The following TGFBR3 variants were observed in gnomAD, a reference collection of about 807,000 sequenced individuals.
The protein encoded by TGFBR3 is transforming growth factor beta receptor type 3.
A neutral mutation model predicts 87.9 loss-of-function variants in TGFBR3; 46 were observed. The ratio of observed to expected loss-of-function variants is 0.52; its 90% confidence interval spans 0.41 to 0.67. TGFBR3 has a LOEUF of 0.67. TGFBR3 is among the 30% of genes least tolerant of loss of function. The probability of loss-of-function intolerance (pLI) is 0.00; values close to 1 mark genes in which losing one functional copy is unlikely to be tolerated. For synonymous variants in TGFBR3, 381 were observed against 391.6 expected, an observed-to-expected ratio of 0.97 and a Z score of 0.32; for missense variants, 866 against 1,041.9, an observed-to-expected ratio of 0.83 and a Z score of 2.32.
At chr1:91,872,453 G>A (rs1337265342) in intron 1 of TGFBR3, among the ~76,000 whole-genome samples, 3 of 152,166 alleles carry the variant, frequency 2.0e-5, no homozygotes, top group Admixed American at 1.3e-4. Context: ...TAATTTTAAA[G>A]AATCCGTTCT....
At chr1:91,849,311 A>T (rs969527990) in intron 2 of TGFBR3, among the ~76,000 whole-genome samples, 1 of 152,092 alleles carries the variant, frequency 6.6e-6, no homozygotes, top group African/African-American at 2.4e-5. Flanking sequence ...CTTGGGCTAT[A>T]CACACCCGCA....
chr1:91,850,259 T>C (rs1271720669), intron 2 of TGFBR3, among the ~76,000 whole-genome samples: 1 of 152,116 alleles, frequency 6.6e-6, no homozygotes, highest in Non-Finnish European at 1.5e-5. Flanking sequence ...TAGTAGTTAT[T>C]TAAAAGTATA....
intron 14 of TGFBR3, among the ~76,000 whole-genome samples, chr1:91,707,922 A>C (rs897542797): frequency 2.6e-5 from 4 of 152,154 alleles, no homozygotes; most frequent in South Asian, 2.1e-4. Context: ...ACAGGGCCTC[A>C]TATCCACTCC....
intron 4 of TGFBR3, among the ~76,000 whole-genome samples, chr1:91,739,960 C>T (rs993933993): frequency 4.6e-5 from 7 of 152,100 alleles, no homozygotes; most frequent in African/African-American, 1.4e-4. Context: ...CTCACTATGA[C>T]GAGAACAGCA....
intron 14 of TGFBR3, 99 bp from the exon 15 acceptor site, chr1:91,698,229 G>T (rs2296621): frequency 0.16 from 161,289 of 1,001,802 alleles, 13,932 homozygotes; most frequent in Non-Finnish European, 0.18. Flanking sequence ...TTTCCATTTG[G>T]TAATAAATAC....
Position 91,680,772 on chromosome 1 carries a change from T to C in TGFBR3, c.*2967A>G, listed in dbSNP as rs1401004363. On this transcript the variant is annotated 3_prime_UTR_variant, in exon 17 of 17. Coordinates refer to ENST00000212355, the MANE Select transcript of TGFBR3 (RefSeq NM_003243.5). ...TACAGTACAAAAAGACTGGCACGCG[T>C]GTGAGCACCCCACACACACTCACAA... The C allele has an allele frequency of 2.2e-6, 1 of 453,900 alleles. No individual in the cohort carries two copies. The highest frequency in any genetic ancestry group is 2.0e-5 in the African/African-American group (1 of 49,948). The allele number at this position is 453,900 out of a possible 1,614,324, so 28.1% of individuals were successfully genotyped here. A position where few individuals can be genotyped will look rare whatever the true frequency, so the allele number is the denominator to read the frequency against.
chr1:91,858,629 A>C lies in TGFBR3; in HGVS notation c.61+2842T>G, dbSNP rs1166024915. On this transcript the variant is annotated intron_variant, in intron 2 of 16. Coordinates refer to ENST00000212355, the MANE Select transcript of TGFBR3 (RefSeq NM_003243.5). ...CTGTCTCAAAAAAAAAAAAAAAAAA[A>C]AAAACAAAATTTCCCTCTTCTTCAT... is the stretch of plus-strand genomic sequence containing the variant. Among the ~76,000 whole-genome samples, 9 of 150,948 alleles carry C rather than the reference A, an allele frequency of 6.0e-5. 1 individual carries two copies. The highest frequency in any genetic ancestry group is 2.1e-4 in the South Asian group (1 of 4,800).
At chr1:91,879,131 T>C (rs1381622289) in intron 1 of TGFBR3, among the ~76,000 whole-genome samples, 1 of 152,010 alleles carries the variant, frequency 6.6e-6, no homozygotes, top group Non-Finnish European at 1.5e-5. Context: ...TAGCCAGATG[T>C]GGTGGCCCCC....
intron 1 of TGFBR3, among the ~76,000 whole-genome samples, chr1:91,872,903 A>G (rs954648236): frequency 2.0e-5 from 3 of 151,892 alleles, no homozygotes; most frequent in Non-Finnish European, 4.4e-5. Flanking sequence ...ACGAGTCTTA[A>G]ATGAGGCTTT....
Position 91,700,199 on chromosome 1 carries a change from T to G in TGFBR3, c.2288-2069A>C, listed in dbSNP as rs548034615. On this transcript the variant is annotated intron_variant, in intron 14 of 16. Transcript: ENST00000212355. ...CTTACAGAAAAAGTGTGCTGAGTCCTGCTACAGACCTTGACCCTACTCTTT... is the reference window on the plus strand; with the variant it reads ...CTTACAGAAAAAGTGTGCTGAGTCCGGCTACAGACCTTGACCCTACTCTTT... 2.6e-5 allele frequency among the ~76,000 whole-genome samples: 4 copies of G among 152,318 alleles called. No homozygotes were observed. In the East Asian group the frequency reaches 7.7e-4, roughly 29 times the overall value.
chr1:91,757,670 A>T (rs1199641620), intron 4 of TGFBR3, among the ~76,000 whole-genome samples: 4 of 152,310 alleles, frequency 2.6e-5, no homozygotes, highest in African/African-American at 7.2e-5. Context: ...TTATGTACTT[A>T]TTATAATAAT....
chr1:91,780,980 A>G (rs1674748358), intron 3 of TGFBR3, among the ~76,000 whole-genome samples: 1 of 151,612 alleles, frequency 6.6e-6, no homozygotes, highest in South Asian at 2.1e-4. Flanking sequence ...AGAGCTCTGG[A>G]TGGCTATGTG....
intron 3 of TGFBR3, among the ~76,000 whole-genome samples, chr1:91,786,706 G>C (rs556745701): frequency 3.3e-5 from 5 of 151,234 alleles, no homozygotes; most frequent in Non-Finnish European, 4.4e-5. Flanking sequence ...AACCAAGATC[G>C]CGCCAATGCA....
chr1:91,883,748 T>C (rs2101301264), intron 1 of TGFBR3, among the ~76,000 whole-genome samples: 1 of 151,096 alleles, frequency 6.6e-6, no homozygotes, highest in African/African-American at 2.4e-5. Flanking sequence ...ACAGGAAAAA[T>C]TAAAGTTGAC....
At chr1:91,794,789 A>G (rs1675314656) in intron 3 of TGFBR3, among the ~76,000 whole-genome samples, 1 of 152,216 alleles carries the variant, frequency 6.6e-6, no homozygotes, top group African/African-American at 2.4e-5. Flanking sequence ...CCCATTCATC[A>G]GAAGATGAAA....
intron 2 of TGFBR3, among the ~76,000 whole-genome samples, chr1:91,798,199 G>C (rs1374291919): frequency 6.6e-6 from 1 of 152,046 alleles, no homozygotes; most frequent in Admixed American, 6.5e-5. Flanking sequence ...TTCCTGAACG[G>C]AGTCTGAGGA....
rs145170793 is a variant in TGFBR3 at position 91,857,868 on chromosome 1, T to C, written c.61+3603A>G. 6.6e-5 allele frequency among the ~76,000 whole-genome samples: 10 copies of C among 152,334 alleles called. No homozygotes were observed. In the East Asian group the frequency reaches 1.9e-3, roughly 29 times the overall value. On this transcript the variant is annotated intron_variant, in intron 2 of 16. Coordinates refer to ENST00000212355, the MANE Select transcript of TGFBR3 (RefSeq NM_003243.5). Reference sequence around the variant, plus strand: ...TACTGTGCTTTGTACTCAGCAGGGATCAGTGAATAAATGATTTAATGTTTC... The same window carrying C: ...TACTGTGCTTTGTACTCAGCAGGGACCAGTGAATAAATGATTTAATGTTTC...
At chr1:91,753,062 A>T (rs955525524) in intron 4 of TGFBR3, among the ~76,000 whole-genome samples, 4 of 151,590 alleles carry the variant, frequency 2.6e-5, no homozygotes, top group Non-Finnish European at 5.9e-5. Flanking sequence ...AAAATCAGGT[A>T]CATGGAATAA....
At chr1:91,756,493 A>T (rs576054711) in intron 4 of TGFBR3, among the ~76,000 whole-genome samples, 28 of 130,680 alleles carry the variant, frequency 2.1e-4, no homozygotes, top group Non-Finnish European at 4.3e-4. Flanking sequence ...TTAGTTCTTC[A>T]TCTATAAGAA....
Sources: gnomAD v4.1 joint callset for allele counts (sites outside exome capture counted in the v4.1 genomes callset) on GRCh38, gnomAD v4.1.1 for gene constraint, MANE v1.5 for transcripts, NCBI Gene and HGNC (gene_info 2026-07-23, HGNC 2026-07-21) for gene names.